KIF13B: variants seen among roughly 807,000 people sequenced by gnomAD.
KIF13B encodes the protein kinesin family member 13B.
In KIF13B, 127 loss-of-function variants were observed where a neutral mutation model predicts 222.0. The observed-to-expected ratio is 0.57, with a 90% CI of 0.50 to 0.66. The LOEUF (loss-of-function observed/expected upper bound fraction) is 0.66, where lower values mean the gene tolerates loss of function less well. Among genes scored for constraint, KIF13B ranks in the 30% least tolerant of loss-of-function variants. The pLI is 0.00. For missense variants in KIF13B, 2,173 were observed against 2,379.0 expected, an observed-to-expected ratio of 0.91 and a Z score of 1.80; for synonymous variants, 976 against 919.0, an observed-to-expected ratio of 1.06 and a Z score of -1.12.
intron 7 of KIF13B, 64 bp downstream of exon 7, chr8:29,181,855 A>AG: frequency 2.8e-6 from 3 of 1,089,366 alleles, no homozygotes; most frequent in African/African-American, 3.2e-5. Flanking sequence ...AATTAAGCCA[A>AG]GAAAAAAAAG....
At chr8:29,123,649 T>G (rs563004591) in intron 27 of KIF13B, among the ~76,000 whole-genome samples, 157 bp from the exon 28 acceptor site, 1 of 152,352 alleles carries the variant, frequency 6.6e-6, no homozygotes, top group East Asian at 1.9e-4. Context: ...TCAGATGGGC[T>G]CCTGCAGAGA....
intron 30 of KIF13B, among the ~76,000 whole-genome samples, chr8:29,117,562 C>T (rs576995509): frequency 1.4e-4 from 21 of 152,280 alleles, no homozygotes; most frequent in Non-Finnish European, 2.6e-4. Context: ...TTGGCCCTTC[C>T]TTGTCACGCT....
intron 37 of KIF13B, among the ~76,000 whole-genome samples, chr8:29,075,668 G>C (rs1399915395): frequency 1.3e-5 from 2 of 152,240 alleles, no homozygotes; most frequent in African/African-American, 4.8e-5. Context: ...AGACAGGAAA[G>C]ATACAGAAAG....
chr8:29,119,076 A>G, intron 29 of KIF13B, 84 bp from the exon 30 acceptor site: 3 of 1,361,694 alleles, frequency 2.2e-6, no homozygotes, highest in South Asian at 2.7e-5. Flanking sequence ...GATTATTACA[A>G]TTCTTCTGCT....
intron 20 of KIF13B, 114 bp downstream of exon 20, chr8:29,140,354 A>T: frequency 1.4e-6 from 2 of 1,382,432 alleles, no homozygotes; most frequent in Non-Finnish European, 2.0e-6. Context: ...CCTTGGAAAC[A>T]CAAGGTATTA....
intron 29 of KIF13B, among the ~76,000 whole-genome samples, chr8:29,121,118 T>C (rs947871750): frequency 2.0e-5 from 3 of 151,674 alleles, no homozygotes; most frequent in Admixed American, 6.6e-5. Context: ...ATCGTGAAAA[T>C]GGCCATACTG....
intron 28 of KIF13B, 144 bp downstream of exon 28, chr8:29,123,222 A>G: frequency 1.1e-6 from 1 of 927,630 alleles, no homozygotes; most frequent in Non-Finnish European, 1.6e-6. Context: ...TCATGAAAAT[A>G]ATTTAACAGT....
chr8:29,207,265 G>A (rs996192150), intron 2 of KIF13B, among the ~76,000 whole-genome samples: 3 of 152,034 alleles, frequency 2.0e-5, no homozygotes, highest in African/African-American at 2.4e-5. Context: ...CTATCCTTTC[G>A]GTTACCAGGG....
intron 29 of KIF13B, among the ~76,000 whole-genome samples, chr8:29,121,031 GT>G (rs1809833807): frequency 7.1e-6 from 1 of 141,080 alleles, no homozygotes; most frequent in African/African-American, 2.7e-5. Context: ...GGGGTTGTTT[GT>G]TTTTTTCTTG....
At chr8:29,110,802 A>G (rs540146620) in intron 32 of KIF13B, 45 of 152,358 alleles carry the variant, frequency 3.0e-4, no homozygotes, top group Admixed American at 2.8e-3. Flanking sequence ...TTTCAAGCAA[A>G]GTGGGCTCTT....
Position 29,137,674 on chromosome 8 carries a change from C to T in KIF13B, c.2613+2389G>A, listed in dbSNP as rs977285791. ...GTCATATAGCTTATTTGTCCTCGTC[C>T]TTTTTACATAAAAGGCCATTACATG... On this transcript the variant is annotated intron_variant, in intron 21 of 39. Coordinates refer to ENST00000524189, the MANE Select transcript of KIF13B (RefSeq NM_015254.4). Among the ~76,000 whole-genome samples the T allele has an allele frequency of 3.9e-5, 6 of 152,164 alleles. No individual in the cohort carries two copies. In the East Asian group the frequency reaches 1.2e-3, roughly 29 times the overall value.
intron 7 of KIF13B, among the ~76,000 whole-genome samples, chr8:29,180,491 T>G (rs771671439): frequency 1.3e-5 from 2 of 152,168 alleles, no homozygotes; most frequent in African/African-American, 4.8e-5. Context: ...AGCTACACCT[T>G]TGGTCACACA....
chr8:29,193,160 G>A lies in KIF13B; in HGVS notation c.163-2103C>T, dbSNP rs562521458. ...TGAGAAGGAAGCGAGGCCAGGAAGT[G>A]AAAGCAGACCCCCAGCGGCTGACAG... On this transcript the variant is annotated intron_variant, in intron 3 of 39. Coordinates refer to ENST00000524189, the MANE Select transcript of KIF13B (RefSeq NM_015254.4). Among the ~76,000 whole-genome samples the A allele has an allele frequency of 6.6e-5, 10 of 152,332 alleles. 1 individual carries two copies. The highest frequency in any genetic ancestry group is 6.2e-4 in the South Asian group (3 of 4,820).
Position 29,198,869 on chromosome 8 carries a change from G to A in KIF13B, c.150-2670C>T, listed in dbSNP as rs112085552. On this transcript the variant is annotated intron_variant, in intron 2 of 39. Coordinates refer to ENST00000524189, the MANE Select transcript of KIF13B (RefSeq NM_015254.4). ...TACCAATAAGTGGGAATTAAGCTATGAGCATGCAGAGGCATACAGAGTGAT... is the reference window on the plus strand; with the variant it reads ...TACCAATAAGTGGGAATTAAGCTATAAGCATGCAGAGGCATACAGAGTGAT... Among the ~76,000 whole-genome samples, 684 of 152,262 alleles carry A rather than the reference G, an allele frequency of 4.5e-3. 4 individuals carry two copies. The highest frequency in any genetic ancestry group is 0.016 in the African/African-American group (647 of 41,532).
At chr8:29,254,062 G>T (rs191928238) in intron 1 of KIF13B, among the ~76,000 whole-genome samples, 1 of 152,234 alleles carries the variant, frequency 6.6e-6, no homozygotes, top group East Asian at 1.9e-4. Context: ...AATTGATTTT[G>T]ACAAGGGTAC....
rs189920434 is a variant in KIF13B at position 29,249,408 on chromosome 8, C to T, written c.56-3969G>A. Among the ~76,000 whole-genome samples, 865 of 134,294 alleles carry T rather than the reference C, an allele frequency of 6.4e-3. 2 individuals are homozygous for T. Among genetic ancestry groups the T allele is most frequent in the Middle Eastern group, 0.013 (3 of 226 alleles). The allele number at this position is 134,294 out of a possible 152,430, so 88.1% of individuals were successfully genotyped here. A position where few individuals can be genotyped will look rare whatever the true frequency, so the allele number is the denominator to read the frequency against. ...TCACGCCACTGCACTCCAGCCTGGG[C>T]GACAGAGCAAGACTCCGTCTTTAAA... On this transcript the variant is annotated intron_variant, in intron 1 of 39. Coordinates refer to ENST00000524189, the MANE Select transcript of KIF13B (RefSeq NM_015254.4).
intron 37 of KIF13B, among the ~76,000 whole-genome samples, chr8:29,089,663 G>T (rs1808201302): frequency 1.3e-5 from 2 of 152,120 alleles, no homozygotes; most frequent in South Asian, 4.1e-4. Flanking sequence ...GGAGGCTGAG[G>T]CGGGTAGATC....
intron 36 of KIF13B, among the ~76,000 whole-genome samples, chr8:29,097,117 A>T (rs1275308110): frequency 3.9e-5 from 6 of 152,356 alleles, no homozygotes; most frequent in Non-Finnish European, 8.8e-5. Flanking sequence ...CTAAAATTTT[A>T]AAAGCCAAGA....
intron 4 of KIF13B, 139 bp from the exon 5 acceptor site, chr8:29,188,746 T>G: frequency 1.6e-6 from 1 of 621,004 alleles, no homozygotes; most frequent in Non-Finnish European, 2.8e-6. Flanking sequence ...TGACGAATGC[T>G]CCCAAAGGCT....
Sources: gnomAD v4.1 joint callset for allele counts (sites outside exome capture counted in the v4.1 genomes callset) on GRCh38, gnomAD v4.1.1 for gene constraint, MANE v1.5 for transcripts, NCBI Gene and HGNC (gene_info 2026-07-23, HGNC 2026-07-21) for gene names.